The following CCDC191 variants were observed in gnomAD, a reference collection of about 807,000 sequenced individuals.
CCDC191 encodes coiled-coil domain-containing protein 191.
Under a neutral mutation model 114.0 loss-of-function variants are expected in CCDC191, and 99 were observed. That is an observed-to-expected ratio of 0.87 (90% CI 0.74 to 1.03). The LOEUF (loss-of-function observed/expected upper bound fraction) is 1.03. Among genes scored for constraint, CCDC191 ranks in the 50% least tolerant of loss-of-function variants. The probability of loss-of-function intolerance (pLI) is 0.00; values close to 1 mark genes in which losing one functional copy is unlikely to be tolerated. For missense variants in CCDC191, 973 were observed against 1,087.0 expected, an observed-to-expected ratio of 0.90 and a Z score of 1.47; for synonymous variants, 351 against 376.0, an observed-to-expected ratio of 0.93 and a Z score of 0.77.
rs142532606 is a variant in CCDC191, at chr3:114,020,845, A to G, written c.973-1977T>C. Among the ~76,000 whole-genome samples, 201 of 152,300 alleles carry G rather than the reference A, an allele frequency of 1.3e-3. 1 individual carries two copies. Among genetic ancestry groups the G allele is most frequent in the Non-Finnish European group, 2.2e-3 (148 of 68,006 alleles). The stretch of plus-strand genomic sequence containing the variant: ...ACAAACATAATCCATCTTGATAATA[A>G]TAACACTATTAATAGTATCCTTTGA... On this transcript the variant is annotated intron_variant, in intron 7 of 16. Coordinates refer to ENST00000295878, the MANE Select transcript of CCDC191 (RefSeq NM_020817.2).
intron 7 of CCDC191, among the ~76,000 whole-genome samples, chr3:114,021,940 C>G (rs1248989250): frequency 6.6e-6 from 1 of 152,088 alleles, no homozygotes; most frequent in African/African-American, 2.4e-5. Flanking sequence ...CAAATATAGT[C>G]AGGCACTCTT....
intron 5 of CCDC191, among the ~76,000 whole-genome samples, chr3:114,035,863 T>C (rs951780038): frequency 6.6e-6 from 1 of 152,178 alleles, no homozygotes; most frequent in East Asian, 1.9e-4. Flanking sequence ...TTGTCATAAA[T>C]CCAAACTAGA....
chr3:114,054,425 G>A (rs531935512), intron 1 of CCDC191, among the ~76,000 whole-genome samples: 1 of 152,224 alleles, frequency 6.6e-6, no homozygotes, highest in South Asian at 2.1e-4. Flanking sequence ...AAGGTCAAGA[G>A]ATCAAGACCA....
At chr3:114,001,751 G>C (rs1577390669) in intron 12 of CCDC191, 55 bp from the exon 13 acceptor site, 1 of 1,605,498 alleles carries the variant, frequency 6.2e-7, no homozygotes, top group African/African-American at 1.3e-5. Flanking sequence ...ACAGAAATGT[G>C]ATCTTTTATG....
At chr3:114,003,677 T>C (rs891278249) in intron 11 of CCDC191, 3 of 985,350 alleles carry the variant, frequency 3.0e-6, no homozygotes, top group South Asian at 9.4e-5. Context: ...AGCTTAATGA[T>C]AGGCAAAGAC....
intron 11 of CCDC191, chr3:114,003,428 G>A (rs937839520): frequency 2.0e-6 from 2 of 985,234 alleles, no homozygotes; most frequent in African/African-American, 3.5e-5. Context: ...GAAAAAGAAT[G>A]GTAGTGCCAC....
At chr3:114,025,413 C>T (rs2076307214) in intron 7 of CCDC191, among the ~76,000 whole-genome samples, 1 of 152,146 alleles carries the variant, frequency 6.6e-6, no homozygotes, top group African/African-American at 2.4e-5. Flanking sequence ...TTAAAAATCA[C>T]AGATACCGCA....
chr3:114,014,373 T>C (rs1472356440), intron 8 of CCDC191, among the ~76,000 whole-genome samples: 1 of 152,150 alleles, frequency 6.6e-6, no homozygotes, highest in East Asian at 1.9e-4. Context: ...GAAGATACCA[T>C]GCGGCTTCTG....
At chr3:114,028,567 G>C (rs1286048041) in intron 7 of CCDC191, among the ~76,000 whole-genome samples, 1 of 152,018 alleles carries the variant, frequency 6.6e-6, no homozygotes, top group East Asian at 1.9e-4. Flanking sequence ...TTACAGGCTT[G>C]AGCCACCGTG....
chr3:114,037,057 C>G (rs2076495303), intron 4 of CCDC191: 1 of 194,146 alleles, frequency 5.2e-6, no homozygotes, highest in African/African-American at 2.3e-5. Context: ...ATCTAAACAA[C>G]CTTGAGAACT....
intron 16 of CCDC191, among the ~76,000 whole-genome samples, chr3:113,973,596 G>GTTTTTTTTTTT (rs61420341): frequency 1.4e-5 from 2 of 145,566 alleles, no homozygotes; most frequent in Non-Finnish European, 1.5e-5. Context: ...TGGATGGCAG[G>GTTTTTTTTTTT]TTTTTTTTTT....
intron 8 of CCDC191, among the ~76,000 whole-genome samples, chr3:114,016,442 G>A (rs1022441618): frequency 6.6e-6 from 1 of 152,126 alleles, no homozygotes; most frequent in East Asian, 1.9e-4. Flanking sequence ...CTGTCTCTGG[G>A]CCTTACTTTT....
intron 2 of CCDC191, among the ~76,000 whole-genome samples, chr3:114,048,203 A>C (rs912257244): frequency 4.6e-5 from 7 of 152,158 alleles, no homozygotes; most frequent in Non-Finnish European, 7.3e-5. Flanking sequence ...TATATACAGA[A>C]TCTGACCCCT....
At chr3:113,979,688 T>A (rs1285159596) in intron 14 of CCDC191, among the ~76,000 whole-genome samples, 1 of 152,198 alleles carries the variant, frequency 6.6e-6, no homozygotes, top group Non-Finnish European at 1.5e-5. Flanking sequence ...TCTAGATATC[T>A]GGCACTGTGA....
intron 8 of CCDC191, among the ~76,000 whole-genome samples, chr3:114,014,233 TGC>T (rs1164048744): frequency 3.9e-5 from 6 of 152,194 alleles, no homozygotes; most frequent in Admixed American, 3.9e-4. Context: ...TTCAATAATG[TGC>T]CAGGTACCCC....
At chr3:114,043,242 A>G (rs928708944) in intron 3 of CCDC191, among the ~76,000 whole-genome samples, 3 of 152,216 alleles carry the variant, frequency 2.0e-5, no homozygotes, top group African/African-American at 7.2e-5. Flanking sequence ...GGTCCTGTGC[A>G]GGAGTATCTA....
intron 1 of CCDC191, 119 bp downstream of exon 1, chr3:114,056,258 G>T: frequency 1.1e-6 from 1 of 935,802 alleles, no homozygotes. Context: ...GGCGGTCAAG[G>T]CAGGGGCGTG....
At chr3:114,019,907 C>A (rs1331383060) in intron 7 of CCDC191, among the ~76,000 whole-genome samples, 1 of 152,118 alleles carries the variant, frequency 6.6e-6, no homozygotes, top group East Asian at 1.9e-4. Flanking sequence ...GCCAAAACAC[C>A]CAACACACTA....
rs1201575084 is a variant in CCDC191, at chr3:114,010,900, T to G, written c.1285A>C (p.Thr429Pro). ...KRELALTKEE[T>P]RKKMDALLQA... ...AGCAGTGCATCCATCTTCTTCCTAG[T>G]TTCCTCTTTTGTGAGAGCCAGCTCT... Residue 429 changes from threonine to proline, a missense_variant, in exon 9 of 17, where the codon ACT becomes CCT. Physicochemically the swap from Thr to Pro is conservative, Grantham distance 38 (BLOSUM62 -1). Transcript: ENST00000295878. The G allele has an allele frequency of 6.2e-7, 1 of 1,614,122 alleles. No homozygotes were observed. The highest frequency in any genetic ancestry group is 1.7e-5 in the Admixed American group (1 of 60,008).
Sources: gnomAD v4.1 joint callset for allele counts (sites outside exome capture counted in the v4.1 genomes callset) on GRCh38, gnomAD v4.1.1 for gene constraint, MANE v1.5 for transcripts, NCBI Gene and HGNC (gene_info 2026-07-23, HGNC 2026-07-21) for gene names.